CCDC80: variants seen among roughly 807,000 people sequenced by gnomAD.
The protein encoded by CCDC80 is coiled-coil domain containing 80.
A neutral mutation model predicts 78.7 loss-of-function variants in CCDC80; 49 were observed. The observed-to-expected ratio is 0.62, with a 90% CI of 0.50 to 0.79. The LOEUF (loss-of-function observed/expected upper bound fraction) is 0.79. Among genes scored for constraint, CCDC80 ranks in the 30% least tolerant of loss-of-function variants. CCDC80 has a pLI of 0.00. For missense variants in CCDC80, 1,205 were observed against 1,198.6 expected, an observed-to-expected ratio of 1.01 and a Z score of -0.08; for synonymous variants, 488 against 447.0, an observed-to-expected ratio of 1.09 and a Z score of -1.16.
rs748553860 is a variant in CCDC80, at chr3:112,605,768, A to G, written c.2507-5T>C. 2 of 1,608,306 alleles carry G rather than the reference A, an allele frequency of 1.2e-6. No individual in the cohort carries two copies. The highest frequency in any genetic ancestry group is 4.5e-5 in the East Asian group (2 of 44,858). ...CTCGCTCAACAACAGAGCTCCCTAGAATAACATTGGAATAGTTATTGTTAG... is the reference window on the plus strand; with the variant it reads ...CTCGCTCAACAACAGAGCTCCCTAGGATAACATTGGAATAGTTATTGTTAG... On this transcript the variant is annotated splice_polypyrimidine_tract_variant and splice_region_variant and intron_variant, in intron 7 of 7. Transcript: ENST00000206423.
At chr3:112,628,661 T>C (rs955859908) in intron 3 of CCDC80, among the ~76,000 whole-genome samples, 3 of 152,204 alleles carry the variant, frequency 2.0e-5, no homozygotes, top group African/African-American at 7.2e-5. Flanking sequence ...TTTTGTGTCT[T>C]TTGTTTGTAT....
In CCDC80 at chr3:112,638,933, C is replaced by T. The variant is rs1936275083; in HGVS notation, c.973G>A (p.Glu325Lys). 2 of 1,613,296 alleles carry T rather than the reference C, an allele frequency of 1.2e-6. No homozygotes were observed. Residue 325 changes from glutamate (E) to lysine (K), a missense_variant, in exon 2 of 8, where the codon GAG becomes AAG. Physicochemically the swap from Glu to Lys is moderately conservative, Grantham distance 56 (BLOSUM62 1). Transcript: ENST00000206423. The part of the protein sequence containing the change: ...PRRAQVPPTR[E>K]SRVKVLRKLA... The stretch of plus-strand genomic sequence containing the variant: ...TTTCTCAGGACCTTCACCCGACTCT[C>T]TCTGGTTGGTGGGACTTGTGCTCTC...
chr3:112,613,883 G>A (rs976666099), intron 5 of CCDC80, among the ~76,000 whole-genome samples: 79 of 151,328 alleles, frequency 5.2e-4, no homozygotes, highest in African/African-American at 1.8e-3. Flanking sequence ...TATAATTCTG[G>A]TTATATATGT....
At chr3:112,629,934 C>T (rs954326108) in intron 3 of CCDC80, among the ~76,000 whole-genome samples, 179 bp downstream of exon 3, 11 of 152,126 alleles carry the variant, frequency 7.2e-5, no homozygotes, top group East Asian at 1.9e-4. Context: ...AAAACTTAAA[C>T]GAGAACCATC....
rs151243999 is a variant in CCDC80 at position 112,640,177 on chromosome 3, T to C, written c.-12+150A>G. On this transcript the variant is annotated intron_variant, in intron 1 of 7. Transcript: ENST00000206423. Reference sequence around the variant, plus strand: ...ATCCAATTCAGTTTCCCAGTCAGCATGCTTGTACTGTTTCAACTAATGCTC... The same window carrying C: ...ATCCAATTCAGTTTCCCAGTCAGCACGCTTGTACTGTTTCAACTAATGCTC... The C allele has an allele frequency of 3.0e-5, 14 of 474,390 alleles. No homozygotes were observed. In the East Asian group the frequency reaches 5.1e-4, roughly 17 times the overall value. The allele number at this position is 474,390 out of a possible 1,614,324, so 29.4% of individuals were successfully genotyped here.
At position 112,605,719 on chromosome 3, in the gene CCDC80, T is replaced by G. The variant is rs549344834; in HGVS notation, c.2551A>C (p.Lys851Gln). 1 of 1,614,246 alleles carries G rather than the reference T, an allele frequency of 6.2e-7. No homozygotes were observed. Among genetic ancestry groups the G allele is most frequent in the Non-Finnish European group, 8.5e-7 (1 of 1,180,040 alleles). ...ACTTGAAAATAGTTACGAATGTCTT[T>G]CACCAAATGGGCTGGTACGTCTTCT... ...EREDVPAHLV[K>Q]DIRNYFQVSP... is the part of the protein sequence containing the mutation. The change falls in exon 8 of 8, where the codon AAA becomes CAA. Residue 851 changes from lysine (K) to glutamine (Q), a missense_variant. Physicochemically the swap from Lys to Gln is moderately conservative, Grantham distance 53 (BLOSUM62 1). Coordinates refer to ENST00000206423, the MANE Select transcript of CCDC80 (RefSeq NM_199511.3).
At chr3:112,631,762 G>A (rs1304935377) in intron 2 of CCDC80, among the ~76,000 whole-genome samples, 1 of 152,058 alleles carries the variant, frequency 6.6e-6, no homozygotes, top group Non-Finnish European at 1.5e-5. Flanking sequence ...ATTGCTACCT[G>A]CAGGCTTTCC....
chr3:112,608,480 A>G (rs1194951959), intron 6 of CCDC80, among the ~76,000 whole-genome samples: 1 of 152,220 alleles, frequency 6.6e-6, no homozygotes, highest in East Asian at 1.9e-4. Context: ...TGTGAACATG[A>G]CTTGTTCGCA....
At chr3:112,619,341 C>G (rs1358126638) in intron 3 of CCDC80, among the ~76,000 whole-genome samples, 3 of 152,320 alleles carry the variant, frequency 2.0e-5, no homozygotes, top group Middle Eastern at 3.4e-3. Context: ...CTCTGTCCAT[C>G]CTGTTCACAG....
At chr3:112,605,805 G>T (rs776119503) in intron 7 of CCDC80, 42 bp from the exon 8 acceptor site, 9 of 1,500,594 alleles carry the variant, frequency 6.0e-6, no homozygotes, top group Admixed American at 3.6e-5. Context: ...AGATTAAACA[G>T]TCAGAGCCCA....
rs369541040 is a variant in CCDC80 at position 112,632,276 on chromosome 3, A to T, written c.1879-2007T>A. On this transcript the variant is annotated intron_variant, in intron 2 of 7. Coordinates refer to ENST00000206423, the MANE Select transcript of CCDC80 (RefSeq NM_199511.3). ...AAAACCACACTATTCTGAAATAAATAAAATGAATGTTTAAGTAAAAACACA... is the reference window on the plus strand; with the variant it reads ...AAAACCACACTATTCTGAAATAAATTAAATGAATGTTTAAGTAAAAACACA... 1.6e-4 allele frequency among the ~76,000 whole-genome samples: 24 copies of T among 152,354 alleles called. No individual in the cohort carries two copies. In the South Asian group the frequency reaches 4.1e-3, roughly 26 times the overall value.
intron 3 of CCDC80, among the ~76,000 whole-genome samples, chr3:112,623,885 C>T (rs1381088128): frequency 6.6e-6 from 1 of 152,182 alleles, no homozygotes; most frequent in Non-Finnish European, 1.5e-5. Flanking sequence ...TTTTGGCATT[C>T]TTCTGTAATA....
In CCDC80 at chr3:112,605,173, A is replaced by G. The variant is rs930850514; in HGVS notation, c.*244T>C. ...GAAAAGGAAAATAATATCAATTTTC[A>G]GTACTATTATTTAGCACTAGAGCCC... On this transcript the variant is annotated 3_prime_UTR_variant, in exon 8 of 8. Coordinates refer to ENST00000206423, the MANE Select transcript of CCDC80 (RefSeq NM_199511.3). 2.2e-5 allele frequency: 8 copies of G among 359,090 alleles called. 1 individual carries two copies. The highest frequency in any genetic ancestry group is 9.0e-5 in the Admixed American group (2 of 22,236). The allele number at this position is 359,090 out of a possible 1,614,324, so 22.2% of individuals were successfully genotyped here. A position where few individuals can be genotyped will look rare whatever the true frequency, so the allele number is the denominator to read the frequency against.
At chr3:112,616,038 GAGATCC>G (rs1559876577) in intron 5 of CCDC80, among the ~76,000 whole-genome samples, 1 of 152,112 alleles carries the variant, frequency 6.6e-6, no homozygotes, top group Non-Finnish European at 1.5e-5. Flanking sequence ...TTTCTTGCGC[GAGATCC>G]AAGAACCCTC....
rs1171714943 is a variant in CCDC80 at position 112,597,433 on chromosome 3, A to C, written c.*7984T>G. The C allele has an allele frequency of 6.6e-6, 1 of 152,216 alleles. No homozygotes were observed. Among genetic ancestry groups the C allele is most frequent in the African/African-American group, 2.4e-5 (1 of 41,458 alleles). 9.4% of individuals were successfully genotyped at this position (152,216 alleles called of 1,614,324 possible). A position where few individuals can be genotyped will look rare whatever the true frequency, so the allele number is the denominator to read the frequency against. ...TCACGTTGGAATGGTGAATAGGTACACATTTCTCAAAGCTCAAAGTGCAAG... is the reference window on the plus strand; with the variant it reads ...TCACGTTGGAATGGTGAATAGGTACCCATTTCTCAAAGCTCAAAGTGCAAG... On this transcript the variant is annotated 3_prime_UTR_variant, in exon 8 of 8. Coordinates refer to ENST00000206423, the MANE Select transcript of CCDC80 (RefSeq NM_199511.3).
intron 6 of CCDC80, among the ~76,000 whole-genome samples, chr3:112,607,501 G>A (rs1436512077): frequency 2.0e-5 from 3 of 152,186 alleles, no homozygotes; most frequent in African/African-American, 7.2e-5. Context: ...AAAAGATGAA[G>A]CCATGCTGGG....
intron 4 of CCDC80, among the ~76,000 whole-genome samples, chr3:112,617,303 A>C (rs1028919774): frequency 3.3e-5 from 5 of 152,230 alleles, no homozygotes; most frequent in African/African-American, 9.6e-5. Flanking sequence ...CTGTGGTCCC[A>C]GGGATTGTTT....
intron 5 of CCDC80, among the ~76,000 whole-genome samples, chr3:112,610,479 A>T (rs1451145683): frequency 6.6e-6 from 1 of 152,228 alleles, no homozygotes; most frequent in African/African-American, 2.4e-5. Flanking sequence ...TTACTGCTAG[A>T]GTTTAGAGGG....
intron 2 of CCDC80, among the ~76,000 whole-genome samples, chr3:112,633,786 AT>A (rs1936150147): frequency 1.3e-5 from 2 of 152,178 alleles, no homozygotes; most frequent in South Asian, 4.1e-4. Flanking sequence ...TCTCCATCCC[AT>A]TCACTTTCTA....
Sources: gnomAD v4.1 joint callset for allele counts (sites outside exome capture counted in the v4.1 genomes callset) on GRCh38, gnomAD v4.1.1 for gene constraint, MANE v1.5 for transcripts, NCBI Gene and HGNC (gene_info 2026-07-23, HGNC 2026-07-21) for gene names.